The following ZNF831 variants were observed in gnomAD, a reference collection of about 807,000 sequenced individuals.
ZNF831 encodes zinc finger protein 831, also known as chromosome 20 open reading frame 174.
ZNF831 carries 59 observed loss-of-function variants against 95.8 expected under a neutral mutation model. The observed-to-expected ratio is 0.62, with a 90% CI of 0.50 to 0.77. The LOEUF (loss-of-function observed/expected upper bound fraction) is 0.77. ZNF831 is among the 30% of genes least tolerant of loss of function. ZNF831 has a pLI of 0.00. For missense variants in ZNF831, 2,205 were observed against 2,164.0 expected, an observed-to-expected ratio of 1.02 and a Z score of -0.38; for synonymous variants, 961 against 925.5, an observed-to-expected ratio of 1.04 and a Z score of -0.70.
Position 59,217,549 on chromosome 20 carries a change from C to A in ZNF831, c.4027+10493C>A, listed in dbSNP as rs1018782557. Among the ~76,000 whole-genome samples the A allele has an allele frequency of 6.6e-6, 1 of 152,130 alleles. No individual in the cohort carries two copies. The highest frequency in any genetic ancestry group is 2.1e-4 in the South Asian group (1 of 4,822). On this transcript the variant is annotated intron_variant, in intron 4 of 5. Transcript: ENST00000371030. The surrounding 1 kb of genome is among the most constrained non-coding windows in gnomAD (Gnocchi z 4.4). Reference sequence around the variant, plus strand: ...TTTCAAATTGCTTCCCAGTTTATACCCCTACCAGTAGCATATTAAATACCT... The same window carrying A: ...TTTCAAATTGCTTCCCAGTTTATACACCTACCAGTAGCATATTAAATACCT...
chr20:59,148,706 AAAAAAAAAAAAAAAAAAAG>A (rs1190724841), intron 2 of ZNF831, among the ~76,000 whole-genome samples: 18 of 140,210 alleles, frequency 1.3e-4, no homozygotes, highest in East Asian at 4.1e-4. Flanking sequence ...AAAAAAAAAA[AAAAAAAAAAAAAAAAAAAG>A]AACAGAGCGT....
At chr20:59,185,054 A>T (rs1326786497) in intron 1 of ZNF831, among the ~76,000 whole-genome samples, 1 of 151,840 alleles carries the variant, frequency 6.6e-6, no homozygotes, top group East Asian at 1.9e-4. Context: ...CCAGGTGACC[A>T]AGGGGCTGTC....
At chr20:59,151,876 T>C (rs139643167) in intron 2 of ZNF831, among the ~76,000 whole-genome samples, 7 of 152,284 alleles carry the variant, frequency 4.6e-5, no homozygotes, top group African/African-American at 7.2e-5. Context: ...TGTCTAGCGA[T>C]GCTGCAAGGG....
intron 2 of ZNF831, among the ~76,000 whole-genome samples, chr20:59,154,707 C>A (rs960521651): frequency 1.3e-5 from 2 of 152,234 alleles, no homozygotes; most frequent in African/African-American, 2.4e-5. Context: ...GGGACCCTGA[C>A]AACTCATGAG....
intron 4 of ZNF831, among the ~76,000 whole-genome samples, chr20:59,237,623 T>C (rs1019573800): frequency 1.3e-5 from 2 of 152,206 alleles, no homozygotes; most frequent in Non-Finnish European, 2.9e-5. Flanking sequence ...CGTGAGCCAC[T>C]GTGAGCTTTG....
At chr20:59,135,897 C>A (rs192143881) in intron 1 of ZNF831, among the ~76,000 whole-genome samples, 4 of 152,106 alleles carry the variant, frequency 2.6e-5, no homozygotes, top group African/African-American at 9.7e-5. Context: ...TTGCTTGAAC[C>A]CAGGAATTTG....
At chr20:59,133,727 T>G (rs1568721277) in intron 1 of ZNF831, among the ~76,000 whole-genome samples, 1 of 152,204 alleles carries the variant, frequency 6.6e-6, no homozygotes, top group Non-Finnish European at 1.5e-5. Context: ...TCTCCCTGCA[T>G]TCTGTCATTT....
At chr20:59,212,275 A>G (rs1044262567) in intron 4 of ZNF831, among the ~76,000 whole-genome samples, 2 of 152,198 alleles carry the variant, frequency 1.3e-5, no homozygotes, top group African/African-American at 4.8e-5. Context: ...TTGAATTAAC[A>G]GATGGCTTGG....
At chr20:59,183,829 T>G (rs58028675) in intron 1 of ZNF831, among the ~76,000 whole-genome samples, 130 of 152,352 alleles carry the variant, frequency 8.5e-4, no homozygotes, top group African/African-American at 3.1e-3. Context: ...TCCCCACTGT[T>G]TTCCCTGTTG....
At chr20:59,236,249 A>G (rs1455813796) in intron 4 of ZNF831, among the ~76,000 whole-genome samples, 1 of 152,138 alleles carries the variant, frequency 6.6e-6, no homozygotes, top group Non-Finnish European at 1.5e-5. Flanking sequence ...ATGTCTGTCC[A>G]TCCCTGCCTA....
At chr20:59,246,058 T>A (rs1172160823) in intron 4 of ZNF831, among the ~76,000 whole-genome samples, 1 of 152,130 alleles carries the variant, frequency 6.6e-6, no homozygotes, top group African/African-American at 2.4e-5. Context: ...TTTCTTTTGT[T>A]TGTTCATCAC....
chr20:59,159,242 G>C (rs148331548), upstream of ZNF831, among the ~76,000 whole-genome samples: 270 of 152,068 alleles, frequency 1.8e-3, no homozygotes, highest in South Asian at 3.5e-3. Context: ...CAAAGTCCTG[G>C]TGGGGCTGAG....
chr20:59,232,994 G>GCGCACACACACA (rs1491469214), intron 4 of ZNF831, among the ~76,000 whole-genome samples: 2 of 122,990 alleles, frequency 1.6e-5, no homozygotes, highest in African/African-American at 3.1e-5. Flanking sequence ...GGACCCTGAG[G>GCGCACACACACA]CACACACACA....
chr20:59,247,905 T>C (rs1045747352), intron 4 of ZNF831, among the ~76,000 whole-genome samples: 10 of 152,368 alleles, frequency 6.6e-5, no homozygotes, highest in African/African-American at 2.2e-4. Flanking sequence ...TGGAAGAAGA[T>C]TTGGCATTAA....
chr20:59,239,908 T>C (rs1987226626), intron 4 of ZNF831, among the ~76,000 whole-genome samples: 1 of 152,146 alleles, frequency 6.6e-6, no homozygotes, highest in African/African-American at 2.4e-5. Flanking sequence ...GGCAGCACAG[T>C]CTTACTTCTC....
At chr20:59,205,064 G>C (rs544607091) in intron 3 of ZNF831, among the ~76,000 whole-genome samples, 1 of 152,062 alleles carries the variant, frequency 6.6e-6, no homozygotes, top group Non-Finnish European at 1.5e-5. Context: ...GTTATTTTGC[G>C]TGAGGAGAAA....
intron 4 of ZNF831, among the ~76,000 whole-genome samples, chr20:59,248,104 C>G (rs1916942670): frequency 6.6e-6 from 1 of 152,188 alleles, no homozygotes; most frequent in Non-Finnish European, 1.5e-5. Context: ...AAAAACACAG[C>G]CTTTAATCAG....
chr20:59,126,537 C>A (rs1041177008), intron 1 of ZNF831, among the ~76,000 whole-genome samples: 1 of 152,208 alleles, frequency 6.6e-6, no homozygotes, highest in East Asian at 1.9e-4. Flanking sequence ...ATTCTATACT[C>A]TCCTCCAGCC....
At chr20:59,137,910 A>T (rs1979561850) in intron 1 of ZNF831, among the ~76,000 whole-genome samples, 1 of 151,968 alleles carries the variant, frequency 6.6e-6, no homozygotes, top group East Asian at 1.9e-4. Context: ...CTCACTTGCT[A>T]TCCCAGAGAA....
Sources: gnomAD v4.1 joint callset for allele counts (sites outside exome capture counted in the v4.1 genomes callset) on GRCh38, gnomAD v4.1.1 for gene constraint, Gnocchi (gnomAD v3.1) non-coding constraint, MANE v1.5 for transcripts, NCBI Gene and HGNC (gene_info 2026-07-23, HGNC 2026-07-21) for gene names.